Variants in MTUS2 observed in about 807,000 individuals in gnomAD.
MTUS2 encodes microtubule associated scaffold protein 2, also known as microtubule-associated tumor suppressor candidate 2.
Under a neutral mutation model 114.1 loss-of-function variants are expected in MTUS2, and 40 were observed. That is an observed-to-expected ratio of 0.35 (90% CI 0.27 to 0.46). The LOEUF (loss-of-function observed/expected upper bound fraction) is 0.46. Among genes scored for constraint, MTUS2 ranks in the 20% least tolerant of loss-of-function variants. The pLI, the probability that MTUS2 is intolerant of heterozygous loss-of-function variation, is 1.00. For missense variants in MTUS2, 1,679 were observed against 1,705.4 expected, an observed-to-expected ratio of 0.98 and a Z score of 0.27; for synonymous variants, 688 against 672.0, an observed-to-expected ratio of 1.02 and a Z score of -0.37.
intron 1 of MTUS2, among the ~76,000 whole-genome samples, chr13:28,827,040 T>C (rs1874316386): frequency 6.6e-6 from 1 of 152,248 alleles, no homozygotes; most frequent in African/African-American, 2.4e-5. Context: ...TACACACAAA[T>C]AATTGTGTTC....
At chr13:28,972,519 C>G (rs1376518224) in intron 2 of MTUS2, among the ~76,000 whole-genome samples, 1 of 152,084 alleles carries the variant, frequency 6.6e-6, no homozygotes, top group Non-Finnish European at 1.5e-5. Flanking sequence ...TTCAGAAACC[C>G]AAAACAATCT....
intron 2 of MTUS2, among the ~76,000 whole-genome samples, chr13:28,956,397 C>G (rs1328712791): frequency 6.6e-6 from 1 of 152,134 alleles, no homozygotes; most frequent in East Asian, 1.9e-4. Flanking sequence ...CGGCAGCAAC[C>G]CAGTGCTCCT....
chr13:29,196,853 G>T (rs1436484182), intron 5 of MTUS2, among the ~76,000 whole-genome samples: 1 of 152,126 alleles, frequency 6.6e-6, no homozygotes, highest in Non-Finnish European at 1.5e-5. Flanking sequence ...CCTTTCATCT[G>T]TGGACACTTG....
chr13:28,882,263 A>G (rs1168956400), intron 2 of MTUS2, among the ~76,000 whole-genome samples: 1 of 152,046 alleles, frequency 6.6e-6, no homozygotes, highest in Non-Finnish European at 1.5e-5. Flanking sequence ...GGCCAGGCTC[A>G]TCTCAAACTT....
chr13:29,409,358 A>G (rs538460830), intron 8 of MTUS2, among the ~76,000 whole-genome samples: 1 of 152,292 alleles, frequency 6.6e-6, no homozygotes, highest in South Asian at 2.1e-4. Context: ...GTGTATAGTT[A>G]TTATTATCTT....
intron 5 of MTUS2, among the ~76,000 whole-genome samples, chr13:29,129,437 A>G (rs1244043904): frequency 6.6e-6 from 1 of 152,142 alleles, no homozygotes; most frequent in Non-Finnish European, 1.5e-5. Context: ...CTTTCCACTT[A>G]GAATATGTTT....
chr13:29,428,146 G>A (rs3121756), intron 8 of MTUS2, among the ~76,000 whole-genome samples: 1 of 152,056 alleles, frequency 6.6e-6, no homozygotes, highest in African/African-American at 2.4e-5. Context: ...TTTCATCAAA[G>A]AAGGCAAAAA....
chr13:29,141,990 G>T (rs1335192477), intron 5 of MTUS2, among the ~76,000 whole-genome samples: 3 of 151,510 alleles, frequency 2.0e-5, no homozygotes, highest in Non-Finnish European at 1.5e-5. Context: ...CTCCCGAGTA[G>T]CTGGGACTAC....
chr13:28,978,909 T>G (rs955052548), intron 2 of MTUS2, among the ~76,000 whole-genome samples: 3 of 152,158 alleles, frequency 2.0e-5, no homozygotes, highest in African/African-American at 7.2e-5. Flanking sequence ...TGAGGCTCTT[T>G]CCTGGGATCT....
chr13:29,116,162 G>A (rs1249730872), intron 5 of MTUS2, among the ~76,000 whole-genome samples: 1 of 152,172 alleles, frequency 6.6e-6, no homozygotes, highest in Admixed American at 6.5e-5. Flanking sequence ...GCTATATGGG[G>A]TTCAATTCAG....
intron 2 of MTUS2, among the ~76,000 whole-genome samples, chr13:28,998,661 G>A (rs983456111): frequency 5.3e-5 from 8 of 151,996 alleles, no homozygotes; most frequent in Non-Finnish European, 8.8e-5. Flanking sequence ...TTGCTGATAC[G>A]CTTTCTTCCA....
chr13:28,875,928 T>C (rs1315237999), intron 2 of MTUS2, among the ~76,000 whole-genome samples: 1 of 152,250 alleles, frequency 6.6e-6, no homozygotes, highest in African/African-American at 2.4e-5. Context: ...AATTTAAACA[T>C]TGATGAGACT....
chr13:29,145,814 G>A (rs967490843), intron 5 of MTUS2, among the ~76,000 whole-genome samples: 37 of 152,066 alleles, frequency 2.4e-4, no homozygotes, highest in African/African-American at 7.0e-4. Flanking sequence ...GCATATTTTA[G>A]TAGAACTGCA....
chr13:29,422,648 CTTTTTTT>C (rs11342823), intron 8 of MTUS2, among the ~76,000 whole-genome samples: 49 of 67,966 alleles, frequency 7.2e-4, no homozygotes, highest in African/African-American at 2.3e-3. Context: ...GATTTCTTTT[CTTTTTTT>C]TTTTTTTTTT....
intron 2 of MTUS2, among the ~76,000 whole-genome samples, chr13:28,860,420 G>A (rs1429802768): frequency 6.6e-6 from 1 of 152,168 alleles, no homozygotes; most frequent in East Asian, 1.9e-4. Context: ...CCGGAATGTG[G>A]GATTTGGAAA....
At chr13:29,004,542 G>C (rs1353371702) in intron 2 of MTUS2, among the ~76,000 whole-genome samples, 1 of 152,208 alleles carries the variant, frequency 6.6e-6, no homozygotes, top group Non-Finnish European at 1.5e-5. Context: ...AGGCAAAAAT[G>C]AGAAGAAAAC....
At chr13:28,883,593 T>C (rs1011215824) in intron 2 of MTUS2, among the ~76,000 whole-genome samples, 2 of 152,082 alleles carry the variant, frequency 1.3e-5, no homozygotes, top group Non-Finnish European at 2.9e-5. Context: ...ACTTTTGAAG[T>C]AACAAAATTA....
At chr13:28,821,531 A>T (rs1873901836) in intron 1 of MTUS2, among the ~76,000 whole-genome samples, 1 of 152,252 alleles carries the variant, frequency 6.6e-6, no homozygotes, top group African/African-American at 2.4e-5. Flanking sequence ...CCCCAAAACC[A>T]GTACTCACAT....
In MTUS2 at chr13:29,505,700, C is replaced by A. The variant is rs1323621071; in HGVS notation, c.*2494C>A. 2 of 229,926 alleles carry A rather than the reference C, an allele frequency of 8.7e-6. No homozygotes were observed. The highest frequency in any genetic ancestry group is 1.7e-5 in the Non-Finnish European group (2 of 116,070). 14.2% of individuals were successfully genotyped at this position (229,926 alleles called of 1,614,324 possible). On this transcript the variant is annotated 3_prime_UTR_variant, in exon 16 of 16. Transcript: ENST00000612955. Reference sequence around the variant, plus strand: ...CTGCACCTGCCTCAGACAGACCCACCAGATACCACCTGTCTCTTCGTGGCA... The same window carrying A: ...CTGCACCTGCCTCAGACAGACCCACAAGATACCACCTGTCTCTTCGTGGCA...
Sources: allele counts gnomAD v4.1 joint callset (sites outside exome capture counted in the v4.1 genomes callset), GRCh38; gene constraint gnomAD v4.1.1; transcripts MANE v1.5; gene names NCBI Gene and HGNC (gene_info 2026-07-23, HGNC 2026-07-21).